The following MND1 variants were observed in gnomAD, a reference collection of about 807,000 sequenced individuals.
The protein encoded by MND1 is meiotic nuclear divisions 1.
MND1 carries 28 observed loss-of-function variants against 35.1 expected under a neutral mutation model. The ratio of observed to expected loss-of-function variants is 0.80; its 90% confidence interval spans 0.59 to 1.09. MND1 has a LOEUF of 1.09. Ranked by LOEUF, MND1 falls within the 50% of genes least tolerant of loss-of-function variation. MND1 has a pLI of 0.00. For synonymous variants in MND1, 69 were observed against 70.5 expected (o/e 0.98, Z 0.11); for missense variants, 213 against 239.6 (o/e 0.89, Z 0.73).
intron 2 of MND1, among the ~76,000 whole-genome samples, chr4:153,350,951 TA>T (rs567868452): frequency 0.25 from 31,445 of 123,382 alleles, 3,781 homozygotes; most frequent in South Asian, 0.41. Flanking sequence ...AGATTCTTAG[TA>T]AAAAAAAAAA....
chr4:153,381,093 G>T (rs1390839575), intron 4 of MND1, among the ~76,000 whole-genome samples: 4 of 152,074 alleles, frequency 2.6e-5, no homozygotes, highest in African/African-American at 4.8e-5. Flanking sequence ...TAGAGACAGG[G>T]TTTCAACGTG....
chr4:153,357,554 C>T (rs1446219703), intron 3 of MND1, among the ~76,000 whole-genome samples: 1 of 152,064 alleles, frequency 6.6e-6, no homozygotes, highest in Non-Finnish European at 1.5e-5. Context: ...ATTGAGTAGG[C>T]TGAGGAGGAG....
At chr4:153,376,345 T>A (rs948124467) in intron 4 of MND1, among the ~76,000 whole-genome samples, 2 of 152,076 alleles carry the variant, frequency 1.3e-5, no homozygotes, top group Non-Finnish European at 2.9e-5. Flanking sequence ...GTGTTTGTGG[T>A]CTTTCTGAAT....
intron 1 of MND1, among the ~76,000 whole-genome samples, chr4:153,346,333 T>A (rs981160521): frequency 2.0e-5 from 3 of 152,222 alleles, no homozygotes; most frequent in Admixed American, 1.3e-4. Context: ...AACTTCTAAC[T>A]GAGAAGGTTC....
intron 4 of MND1, among the ~76,000 whole-genome samples, chr4:153,379,765 G>C (rs565765948): frequency 6.8e-6 from 1 of 147,094 alleles, no homozygotes; most frequent in African/African-American, 2.5e-5. Flanking sequence ...CAGGAGAATC[G>C]CTTGAACCCG....
At chr4:153,413,578 T>C (rs1357850776) in intron 7 of MND1, among the ~76,000 whole-genome samples, 1 of 151,626 alleles carries the variant, frequency 6.6e-6, no homozygotes, top group African/African-American at 2.4e-5. Flanking sequence ...CTCGTGGGGC[T>C]GAGGTTGGAG....
chr4:153,390,950 A>G (rs980782135), intron 4 of MND1, among the ~76,000 whole-genome samples: 1 of 143,142 alleles, frequency 7.0e-6, no homozygotes, highest in Non-Finnish European at 1.5e-5. Context: ...TGTATATAAA[A>G]TGTTCTTTAA....
chr4:153,360,776 C>A (rs1470143145), intron 4 of MND1, among the ~76,000 whole-genome samples: 1 of 81,070 alleles, frequency 1.2e-5, no homozygotes, highest in Non-Finnish European at 2.3e-5. Context: ...TATACATATA[C>A]ACATATATAC....
chr4:153,396,853 C>T (rs1426172969), intron 5 of MND1, among the ~76,000 whole-genome samples: 3 of 152,118 alleles, frequency 2.0e-5, no homozygotes, highest in Admixed American at 6.6e-5. Context: ...GTTACTTACA[C>T]ATATAGACAT....
rs1434643670 is a variant in MND1 at position 153,415,117 on chromosome 4, T to G, written c.*260T>G. 2.2e-5 allele frequency: 5 copies of G among 224,376 alleles called. No homozygotes were observed. The highest frequency in any genetic ancestry group is 3.5e-5 in the Non-Finnish European group (4 of 115,066). 13.9% of individuals were successfully genotyped at this position (224,376 alleles called of 1,614,324 possible). ...AGTCCAGGCAGATTTACAAATGATTTTTTTTTTAAGATCAAAACCATGACG... is the reference window on the plus strand; with the variant it reads ...AGTCCAGGCAGATTTACAAATGATTGTTTTTTTAAGATCAAAACCATGACG... On this transcript the variant is annotated 3_prime_UTR_variant, in exon 8 of 8. Transcript: ENST00000240488.
intron 4 of MND1, chr4:153,361,471 G>A (rs1007393407): frequency 1.5e-5 from 7 of 456,030 alleles, no homozygotes; most frequent in Admixed American, 1.2e-4. Context: ...TCATGAATCC[G>A]AGTTTGCATG....
At chr4:153,375,945 TTAA>T (rs1040829069) in intron 4 of MND1, among the ~76,000 whole-genome samples, 1 of 152,124 alleles carries the variant, frequency 6.6e-6, no homozygotes, top group South Asian at 2.1e-4. Flanking sequence ...TTAACATAAA[TTAA>T]TAATTTTAAT....
intron 7 of MND1, among the ~76,000 whole-genome samples, chr4:153,411,019 C>G (rs938129134): frequency 1.2e-4 from 18 of 152,116 alleles, no homozygotes; most frequent in African/African-American, 4.3e-4. Context: ...AAAAATGTAG[C>G]TAGAATTGAG....
chr4:153,361,192 C>T (rs1454886715), intron 4 of MND1, among the ~76,000 whole-genome samples: 1 of 152,204 alleles, frequency 6.6e-6, no homozygotes, highest in Non-Finnish European at 1.5e-5. Context: ...TACTGAAGGA[C>T]ATCCTTTAGT....
chr4:153,349,328 C>G (rs10018880), intron 1 of MND1, among the ~76,000 whole-genome samples: 83,550 of 151,818 alleles, frequency 0.55, 24,936 homozygotes, highest in African/African-American at 0.81. Context: ...CTTCCATCTT[C>G]TCTTCCACAT....
chr4:153,365,190 T>C (rs533270157), intron 4 of MND1, among the ~76,000 whole-genome samples: 5 of 152,244 alleles, frequency 3.3e-5, no homozygotes, highest in Admixed American at 2.0e-4. Context: ...GTCCACACTC[T>C]AGTTGCCAGG....
chr4:153,367,889 T>A (rs1277238505), intron 4 of MND1, among the ~76,000 whole-genome samples: 2 of 152,208 alleles, frequency 1.3e-5, no homozygotes, highest in Non-Finnish European at 2.9e-5. Context: ...GGGTATGAAG[T>A]GGTATCTCAT....
chr4:153,375,552 G>A (rs1400075171), intron 4 of MND1, among the ~76,000 whole-genome samples: 2 of 152,044 alleles, frequency 1.3e-5, no homozygotes, highest in African/African-American at 4.8e-5. Flanking sequence ...GCAATTTTTT[G>A]TTATATAGTA....
intron 4 of MND1, chr4:153,381,692 A>ATATATATAT (rs1554011429): frequency 5.7e-5 from 1 of 17,480 alleles, no homozygotes; most frequent in Non-Finnish European, 1.0e-4. Context: ...ATATATATAT[A>ATATATATAT]TTTTTTTTTT....
Sources: gnomAD v4.1 joint callset for allele counts (sites outside exome capture counted in the v4.1 genomes callset) on GRCh38, gnomAD v4.1.1 for gene constraint, MANE v1.5 for transcripts, NCBI Gene and HGNC (gene_info 2026-07-23, HGNC 2026-07-21) for gene names.